RNF121: variants seen among roughly 807,000 people sequenced by gnomAD.
The protein encoded by RNF121 is E3 ubiquitin ligase RNF121.
In RNF121, 21 loss-of-function variants were observed where a neutral mutation model predicts 46.5. The ratio of observed to expected loss-of-function variants is 0.45; its 90% CI spans 0.32 to 0.65. RNF121 has a LOEUF of 0.65. RNF121 is among the 30% of genes least tolerant of loss of function. RNF121 has a pLI of 0.04. For missense variants in RNF121, 346 were observed against 416.0 expected (o/e 0.83, Z 1.46); for synonymous variants, 139 against 144.7 (o/e 0.96, Z 0.28).
At chr11:71,990,470 T>C (rs574618004) in intron 5 of RNF121, 127 bp from the exon 6 acceptor site, 113 of 1,160,604 alleles carry the variant, frequency 9.7e-5, no homozygotes, top group Admixed American at 5.4e-4. Context: ...TTGGTCATAG[T>C]TTGCCCGCAC....
chr11:71,983,235 A>C (rs1565159490), intron 4 of RNF121: 1 of 194,020 alleles, frequency 5.2e-6, no homozygotes, highest in African/African-American at 2.3e-5. Flanking sequence ...TGATCTCTAA[A>C]TTAGATTTTC....
intron 1 of RNF121, among the ~76,000 whole-genome samples, chr11:71,930,801 ACAG>A (rs1442811441): frequency 6.6e-6 from 1 of 152,222 alleles, no homozygotes; most frequent in Non-Finnish European, 1.5e-5. Flanking sequence ...ATTGAGATAA[ACAG>A]CAGAAGTTTT....
At chr11:71,957,147 T>G in intron 1 of RNF121, 80 bp from the exon 2 acceptor site, 1 of 900,700 alleles carries the variant, frequency 1.1e-6, no homozygotes, top group Non-Finnish European at 1.9e-6. Context: ...TTGAAGATAC[T>G]GATAAATGTG....
At chr11:71,988,324 C>G (rs1469399975) in intron 5 of RNF121, among the ~76,000 whole-genome samples, 1 of 152,134 alleles carries the variant, frequency 6.6e-6, no homozygotes, top group African/African-American at 2.4e-5. Flanking sequence ...TAATGCTTTC[C>G]TGGATGAAAT....
intron 1 of RNF121, among the ~76,000 whole-genome samples, chr11:71,949,986 G>A (rs1422122785): frequency 1.3e-5 from 2 of 151,544 alleles, no homozygotes; most frequent in Non-Finnish European, 2.9e-5. Flanking sequence ...GGGCGACAGA[G>A]CAAGACTCCA....
chr11:71,929,505 C>T (rs905019854), intron 1 of RNF121, among the ~76,000 whole-genome samples: 1 of 151,950 alleles, frequency 6.6e-6, no homozygotes, highest in African/African-American at 2.4e-5. Context: ...TGGGAGAGGA[C>T]TCTGTCTAAG....
intron 8 of RNF121, 63 bp downstream of exon 8, chr11:71,995,614 C>A: frequency 7.4e-7 from 1 of 1,355,670 alleles, no homozygotes; most frequent in African/African-American, 1.4e-5. Flanking sequence ...GCCAGTGTGA[C>A]CTGCATTTGG....
At chr11:71,986,275 A>G (rs1954770005) in intron 4 of RNF121, among the ~76,000 whole-genome samples, 1 of 152,224 alleles carries the variant, frequency 6.6e-6, no homozygotes, top group Non-Finnish European at 1.5e-5. Context: ...CCTGTAGCTC[A>G]TTCTACCTCT....
intron 1 of RNF121, among the ~76,000 whole-genome samples, chr11:71,929,988 C>G (rs939200398): frequency 6.6e-6 from 1 of 152,196 alleles, no homozygotes; most frequent in Non-Finnish European, 1.5e-5. Context: ...AGGTGAGCTC[C>G]TTGAGATTGT....
chr11:71,993,507 G>C (rs536794972), intron 6 of RNF121, among the ~76,000 whole-genome samples: 1 of 152,196 alleles, frequency 6.6e-6, no homozygotes, highest in Non-Finnish European at 1.5e-5. Context: ...AGTGTTTTCA[G>C]AGTTCATCCA....
At chr11:71,967,242 T>C (rs964704681) in intron 3 of RNF121, among the ~76,000 whole-genome samples, 7 of 150,884 alleles carry the variant, frequency 4.6e-5, no homozygotes, top group African/African-American at 1.4e-4. Flanking sequence ...AAATATAATA[T>C]TTATGTTTTT....
chr11:71,996,057 C>A, intron 8 of RNF121, 138 bp from the exon 9 acceptor site: 1 of 1,033,744 alleles, frequency 9.7e-7, no homozygotes, highest in Non-Finnish European at 1.4e-6. Context: ...GAGGCTGGGC[C>A]CTTCCAGAAA....
At chr11:71,970,734 C>T (rs898435595) in intron 3 of RNF121, among the ~76,000 whole-genome samples, 4 of 152,120 alleles carry the variant, frequency 2.6e-5, no homozygotes, top group Admixed American at 6.5e-5. Context: ...TGAGAATGTT[C>T]ATTAACCAAA....
rs907366395 is a variant in RNF121 at position 71,971,442 on chromosome 11, C to T, written c.243+10551C>T. On this transcript the variant is annotated intron_variant, in intron 3 of 8. Transcript: ENST00000361756. Reference sequence around the variant, plus strand: ...AAAATATAAGCAAGTAAGAAAGATTCGATAAATTTGATTTTATAAATTAAG... The same window carrying T: ...AAAATATAAGCAAGTAAGAAAGATTTGATAAATTTGATTTTATAAATTAAG... 4.6e-5 allele frequency among the ~76,000 whole-genome samples: 7 copies of T among 151,854 alleles called. No individual in the cohort carries two copies. The East Asian group carries it at 9.6e-4, about 21-fold the overall frequency.
intron 4 of RNF121, among the ~76,000 whole-genome samples, chr11:71,986,769 CAAAAAAAAAA>C (rs11315989): frequency 1.4e-5 from 1 of 71,968 alleles, no homozygotes; most frequent in African/African-American, 5.2e-5. Context: ...ACTCTCATCT[CAAAAAAAAAA>C]AAAAAAAAAA....
chr11:71,940,825 C>T lies in RNF121; in HGVS notation c.63+11701C>T, dbSNP rs537987939. Among the ~76,000 whole-genome samples the T allele has an allele frequency of 2.0e-5, 3 of 152,286 alleles. No individual in the cohort carries two copies. In the East Asian group the frequency reaches 5.8e-4, roughly 29 times the overall value. On this transcript the variant is annotated intron_variant, in intron 1 of 8. Transcript: ENST00000361756. ...GAGTGATTAACTCTGCTTCGGGAAT[C>T]CTTAAAGACTTAATGGAGAAGATGT...
chr11:71,985,073 C>G (rs1007251508), intron 4 of RNF121, among the ~76,000 whole-genome samples: 10 of 152,262 alleles, frequency 6.6e-5, no homozygotes, highest in African/African-American at 2.2e-4. Context: ...AGGCATGCTC[C>G]ACCTTGTCTG....
intron 1 of RNF121, among the ~76,000 whole-genome samples, chr11:71,948,092 T>C (rs895168262): frequency 6.6e-6 from 1 of 151,994 alleles, no homozygotes; most frequent in African/African-American, 2.4e-5. Flanking sequence ...CTGCAGTGCA[T>C]ATAGGAAAGA....
At chr11:71,930,555 G>A (rs921280759) in intron 1 of RNF121, among the ~76,000 whole-genome samples, 4 of 152,082 alleles carry the variant, frequency 2.6e-5, no homozygotes, top group African/African-American at 9.7e-5. Flanking sequence ...GACTACAGGT[G>A]TTTGGATACC....
Sources: gnomAD v4.1 joint callset for allele counts (sites outside exome capture counted in the v4.1 genomes callset) on GRCh38, gnomAD v4.1.1 for gene constraint, MANE v1.5 for transcripts, NCBI Gene and HGNC (gene_info 2026-07-23, HGNC 2026-07-21) for gene names.